Variants in TMEM223 observed in about 807,000 individuals in gnomAD.
TMEM223 encodes the protein transmembrane protein 223.
Under a neutral mutation model 14.1 loss-of-function variants are expected in TMEM223, and 14 were observed. The observed-to-expected ratio is 0.99, with a 90% confidence interval of 0.66 to 1.55. The LOEUF is 1.55. Ranked by LOEUF, TMEM223 falls within the 40% of genes most tolerant of loss-of-function variation. The pLI is 0.00. For synonymous variants in TMEM223, 145 were observed against 120.5 expected (o/e 1.20, Z -1.33); for missense variants, 346 against 269.9 (o/e 1.28, Z -1.97).
At chr11:62,789,232 C>T (rs777953968), downstream of TMEM223, 1 of 1,613,822 alleles carries the variant, frequency 6.2e-7, no homozygotes, top group East Asian at 2.2e-5. Context: ...ACCCTGAGGG[C>T]CAGGGGCTGA....
At chr11:62,781,777 A>G (rs1590936253) in intron 1 of TMEM223, 1 of 891,000 alleles carries the variant, frequency 1.1e-6, no homozygotes, top group Non-Finnish European at 1.8e-6. Context: ...ATCAAAGAAT[A>G]TGAACATTAA....
downstream of TMEM223, among the ~76,000 whole-genome samples, chr11:62,783,824 C>T (rs377428417): frequency 4.6e-5 from 7 of 150,852 alleles, no homozygotes; most frequent in East Asian, 2.0e-4. Context: ...TGAGCCACCA[C>T]GCCCAGCCGA....
chr11:62,786,834 C>A, downstream of TMEM223: 1 of 1,602,030 alleles, frequency 6.2e-7, no homozygotes, highest in Admixed American at 1.7e-5. Flanking sequence ...CGCGGCCGCC[C>A]GGGGACAAGA....
intron 1 of TMEM223, among the ~76,000 whole-genome samples, chr11:62,779,976 A>ATATATAT (rs1294367864): frequency 1.5e-4 from 8 of 52,626 alleles, no homozygotes; most frequent in Non-Finnish European, 2.5e-4. Flanking sequence ...ATATATATAT[A>ATATATAT]TTTTTTTTTT....
chr11:62,772,741 T>C (rs565479480), intron 2 of TMEM223, among the ~76,000 whole-genome samples: 1,551 of 147,684 alleles, frequency 0.011, 19 homozygotes, highest in Non-Finnish European at 0.012. Context: ...GAGGTTTTAG[T>C]GAGCCGAGAT....
chr11:62,772,504 C>T lies in TMEM223; in HGVS notation c.386-372G>A, dbSNP rs563312115. Reference sequence around the variant, plus strand: ...CGCCACTGTACTCCAGCCTGGGTGACAGAGCGAGACTGTGTCTCCAAAAAA... The same window carrying T: ...CGCCACTGTACTCCAGCCTGGGTGATAGAGCGAGACTGTGTCTCCAAAAAA... On this transcript the variant is annotated intron_variant, in intron 2 of 2. Coordinates refer to the TMEM223 transcript ENST00000528367. Among the ~76,000 whole-genome samples, 4 of 143,310 alleles carry T rather than the reference C, an allele frequency of 2.8e-5. No homozygotes were observed. In the South Asian group the frequency reaches 6.6e-4, roughly 24 times the overall value. The allele number at this position is 143,310 out of a possible 152,430, so 94.0% of individuals were successfully genotyped here.
chr11:62,772,600 T>TG (rs2084156806), intron 2 of TMEM223, among the ~76,000 whole-genome samples: 1 of 150,024 alleles, frequency 6.7e-6, no homozygotes, highest in African/African-American at 2.5e-5. Context: ...GAGGCCGAGG[T>TG]GGGCGGATCA....
chr11:62,788,819 T>C (rs1034864680), downstream of TMEM223, among the ~76,000 whole-genome samples: 1 of 152,234 alleles, frequency 6.6e-6, no homozygotes, highest in African/African-American at 2.4e-5. Flanking sequence ...CATTGCCTAT[T>C]TTCTGATCCT....
At chr11:62,789,224 C>T (rs2084328843), downstream of TMEM223, 2 of 1,613,836 alleles carry the variant, frequency 1.2e-6, no homozygotes. Context: ...ACTGCCTAAC[C>T]CTGAGGGCCA....
Position 62,780,094 on chromosome 11 carries a change from G to A in TMEM223, c.315-5429C>T, listed in dbSNP as rs372311090. Reference sequence around the variant, plus strand: ...AGCACTTTGGGAGGCAGAGGTGGGCGGATCACTTGAAGTCAGGAGTTCGAG... The same window carrying A: ...AGCACTTTGGGAGGCAGAGGTGGGCAGATCACTTGAAGTCAGGAGTTCGAG... On this transcript the variant is annotated intron_variant, in intron 1 of 2. Coordinates refer to the TMEM223 transcript ENST00000528367. 1.4e-4 allele frequency among the ~76,000 whole-genome samples: 21 copies of A among 150,130 alleles called. No individual in the cohort carries two copies. The East Asian group carries it at 3.0e-3, about 21-fold the overall frequency.
At chr11:62,776,176 C>CGA (rs753746482) in intron 1 of TMEM223, among the ~76,000 whole-genome samples, 6 of 152,194 alleles carry the variant, frequency 3.9e-5, no homozygotes, top group Admixed American at 2.0e-4. Context: ...TAGATACTCA[C>CGA]ATTCTGCATG....
At chr11:62,778,445 C>T in intron 1 of TMEM223, 2 of 1,327,982 alleles carry the variant, frequency 1.5e-6, no homozygotes, top group Non-Finnish European at 2.1e-6. Flanking sequence ...TTACCCATGC[C>T]TGCCTTGTGC....
downstream of TMEM223, chr11:62,771,624 C>G (rs1234429234): frequency 5.6e-6 from 1 of 179,670 alleles, no homozygotes; most frequent in Non-Finnish European, 1.2e-5. Context: ...GACCCCTGAC[C>G]TCCTCCCCCC....
chr11:62,788,258 C>T (rs976452603), downstream of TMEM223, among the ~76,000 whole-genome samples: 4 of 151,868 alleles, frequency 2.6e-5, no homozygotes, highest in Admixed American at 2.6e-4. Context: ...CAAAAATTAG[C>T]CGGGTGTGGT....
At chr11:62,778,000 A>G (rs1172765111) in intron 1 of TMEM223, 1 of 1,614,148 alleles carries the variant, frequency 6.2e-7, no homozygotes, top group African/African-American at 1.3e-5. Flanking sequence ...TACGGATCAC[A>G]GGAGGCACTG....
chr11:62,787,256 G>T, downstream of TMEM223: 2 of 1,566,510 alleles, frequency 1.3e-6, no homozygotes, highest in Non-Finnish European at 1.7e-6. Flanking sequence ...CCCGCCCGCC[G>T]GTGGGCGCTC....
At chr11:62,789,260 C>T, downstream of TMEM223, 2 of 1,614,010 alleles carry the variant, frequency 1.2e-6, no homozygotes, top group Non-Finnish European at 1.7e-6. Context: ...TGAGCCTCAC[C>T]TCCACCACAA....
downstream of TMEM223, chr11:62,782,536 C>G (rs566598238): frequency 8.6e-5 from 100 of 1,165,320 alleles, 1 homozygote; most frequent in African/African-American, 1.4e-3. Context: ...GTTCTTCAGC[C>G]CTCAGGTCCT....
chr11:62,783,320 A>G (rs1331603754), downstream of TMEM223, among the ~76,000 whole-genome samples: 1 of 152,036 alleles, frequency 6.6e-6, no homozygotes, highest in Non-Finnish European at 1.5e-5. Context: ...ATCTCTACTA[A>G]AAATACAAAC....
Sources: allele counts gnomAD v4.1 joint callset (sites outside exome capture counted in the v4.1 genomes callset), GRCh38; gene constraint gnomAD v4.1.1; transcripts MANE v1.5; gene names NCBI Gene and HGNC (gene_info 2026-07-23, HGNC 2026-07-21).